Variants in KAZN observed in about 807,000 individuals in gnomAD.
KAZN encodes the protein kazrin.
Under a neutral mutation model 87.4 loss-of-function variants are expected in KAZN, and 40 were observed. The ratio of observed to expected loss-of-function variants is 0.46; its 90% confidence interval spans 0.36 to 0.60. The LOEUF (loss-of-function observed/expected upper bound fraction) is 0.60. Among genes scored for constraint, KAZN ranks in the 20% least tolerant of loss-of-function variants. The pLI, the probability that KAZN is intolerant of heterozygous loss-of-function variation, is 0.00. For missense variants in KAZN, 898 were observed against 1,073.9 expected (o/e 0.84, Z 2.29); for synonymous variants, 466 against 458.3 (o/e 1.02, Z -0.22).
intron 1 of KAZN, among the ~76,000 whole-genome samples, chr1:14,625,217 A>G (rs1456054962): frequency 6.6e-6 from 1 of 151,982 alleles, no homozygotes; most frequent in Non-Finnish European, 1.5e-5. Context: ...GCATGTGTGG[A>G]GTTTCTTTTA....
intron 10 of KAZN, among the ~76,000 whole-genome samples, 194 bp from the exon 11 acceptor site, chr1:15,101,349 C>A (rs928241612): frequency 6.6e-6 from 1 of 151,758 alleles, no homozygotes; most frequent in African/African-American, 2.4e-5. Context: ...TCTGCCCTTT[C>A]TGTCTCATTT....
In KAZN at chr1:14,909,032, C is replaced by T. The variant is rs561840754; in HGVS notation, c.227-51652C>T. Among the ~76,000 whole-genome samples the T allele has an allele frequency of 1.7e-3, 256 of 152,030 alleles. 1 individual carries two copies. Among genetic ancestry groups the T allele is most frequent in the African/African-American group, 5.8e-3 (242 of 41,474 alleles). ...GGAGCCAGAACACCTGGTCCAGATA[C>T]CGTCATCATCTCACATCATCTCAAC... On this transcript the variant is annotated intron_variant, in intron 1 of 14. Coordinates refer to ENST00000376030, the MANE Select transcript of KAZN (RefSeq NM_201628.3).
At chr1:14,030,608 A>G (rs1475305768) in intron 1 of KAZN, among the ~76,000 whole-genome samples, 1 of 150,746 alleles carries the variant, frequency 6.6e-6, no homozygotes, top group Admixed American at 6.7e-5. Context: ...TGTGAAAGAA[A>G]GAGAAAAAAT....
chr1:14,794,688 T>C (rs1249057767), intron 1 of KAZN, among the ~76,000 whole-genome samples: 1 of 152,232 alleles, frequency 6.6e-6, no homozygotes, highest in Admixed American at 6.5e-5. Context: ...TATCAGTAAG[T>C]ACTTCACAGG....
chr1:15,002,006 G>T (rs538746140), intron 2 of KAZN, among the ~76,000 whole-genome samples: 1 of 146,086 alleles, frequency 6.8e-6, no homozygotes, highest in Non-Finnish European at 1.5e-5. Flanking sequence ...TCAGCCTCCC[G>T]AGTAGCTGGG....
At chr1:14,186,741 C>T (rs1646315390) in intron 2 of KAZN, among the ~76,000 whole-genome samples, 2 of 152,154 alleles carry the variant, frequency 1.3e-5, no homozygotes, top group Admixed American at 6.6e-5. Context: ...GCAGACACCG[C>T]TGCAGATGGA....
intron 2 of KAZN, among the ~76,000 whole-genome samples, chr1:14,445,214 C>T (rs930452056): frequency 2.6e-5 from 4 of 151,958 alleles, no homozygotes; most frequent in Admixed American, 6.5e-5. Flanking sequence ...TTAGTAGAGG[C>T]GGGGTTTCAC....
chr1:13,928,254 C>T (rs1014233795), intron 1 of KAZN, among the ~76,000 whole-genome samples: 18 of 152,098 alleles, frequency 1.2e-4, no homozygotes, highest in African/African-American at 3.9e-4. Context: ...GTGGAGATCC[C>T]GTTGTGTTAC....
At chr1:13,917,400 C>G (rs1443272842) in intron 1 of KAZN, among the ~76,000 whole-genome samples, 2 of 152,182 alleles carry the variant, frequency 1.3e-5, no homozygotes, top group Non-Finnish European at 1.5e-5. Flanking sequence ...TTCCAAGTTT[C>G]AAAGGACAGG....
At chr1:13,991,157 G>A (rs1053858672) in intron 1 of KAZN, among the ~76,000 whole-genome samples, 4 of 152,014 alleles carry the variant, frequency 2.6e-5, no homozygotes, top group African/African-American at 7.3e-5. Context: ...GAAGGGCAGC[G>A]AGGCTTCTGT....
intron 1 of KAZN, among the ~76,000 whole-genome samples, chr1:14,741,621 G>T (rs1483996066): frequency 6.6e-6 from 1 of 152,156 alleles, no homozygotes; most frequent in African/African-American, 2.4e-5. Flanking sequence ...CTTACATGAG[G>T]CTGAGCTACT....
intron 1 of KAZN, among the ~76,000 whole-genome samples, chr1:14,897,513 T>C (rs762391962): frequency 2.0e-5 from 3 of 152,108 alleles, no homozygotes; most frequent in African/African-American, 7.2e-5. Context: ...TTTTAGAAAT[T>C]AAAATGTAAA....
At chr1:14,507,591 G>C (rs919346185) in intron 2 of KAZN, among the ~76,000 whole-genome samples, 2 of 152,278 alleles carry the variant, frequency 1.3e-5, no homozygotes, top group African/African-American at 4.8e-5. Flanking sequence ...GTGCATATAA[G>C]ATTTTGGCTA....
chr1:14,995,418 T>C (rs978828999), intron 2 of KAZN, among the ~76,000 whole-genome samples: 4 of 151,924 alleles, frequency 2.6e-5, no homozygotes, highest in Middle Eastern at 3.4e-3. Context: ...AGGTGAGGAG[T>C]TCAAGACCAG....
intron 1 of KAZN, among the ~76,000 whole-genome samples, chr1:13,953,518 C>T (rs1641430907): frequency 6.6e-6 from 1 of 152,274 alleles, no homozygotes; most frequent in South Asian, 2.1e-4. Flanking sequence ...TTTCTCCCAC[C>T]AGCCCTTTTC....
At chr1:14,808,701 A>T (rs1646307440) in intron 1 of KAZN, among the ~76,000 whole-genome samples, 1 of 152,186 alleles carries the variant, frequency 6.6e-6, no homozygotes, top group Non-Finnish European at 1.5e-5. Context: ...ACAAAAAGAA[A>T]TTATAATATA....
At chr1:14,068,799 CTTTT>C (rs5772562) in intron 1 of KAZN, among the ~76,000 whole-genome samples, 7 of 136,754 alleles carry the variant, frequency 5.1e-5, no homozygotes, top group Admixed American at 1.5e-4. Flanking sequence ...GTTGAGTTCT[CTTTT>C]TTTTTTTTTT....
rs534473300 is a variant in KAZN, at chr1:14,879,904, G to A, written c.227-80780G>A. 5.9e-5 allele frequency among the ~76,000 whole-genome samples: 9 copies of A among 152,228 alleles called. No homozygotes were observed. The South Asian group carries it at 1.7e-3, about 28-fold the overall frequency. Reference sequence around the variant, plus strand: ...TTATCTCATTAATCCTCACAACAACGTCATAAGGGGGCTATGACCAACTCC... The same window carrying A: ...TTATCTCATTAATCCTCACAACAACATCATAAGGGGGCTATGACCAACTCC... On this transcript the variant is annotated intron_variant, in intron 1 of 14. Transcript: ENST00000376030.
chr1:14,636,809 A>C (rs1680022724), intron 1 of KAZN, among the ~76,000 whole-genome samples: 1 of 152,186 alleles, frequency 6.6e-6, no homozygotes, highest in African/African-American at 2.4e-5. Flanking sequence ...GAATGAAGCT[A>C]ATTTGTGAGA....
Sources: gnomAD v4.1 joint callset for allele counts (sites outside exome capture counted in the v4.1 genomes callset) on GRCh38, gnomAD v4.1.1 for gene constraint, MANE v1.5 for transcripts, NCBI Gene and HGNC (gene_info 2026-07-23, HGNC 2026-07-21) for gene names.